The following LRCH1 variants were observed in gnomAD, a reference collection of about 807,000 sequenced individuals.
LRCH1 encodes the protein leucine rich repeats and calponin homology domain containing 1.
Under a neutral mutation model 94.9 loss-of-function variants are expected in LRCH1, and 23 were observed. The ratio of observed to expected loss-of-function variants is 0.24; its 90% CI spans 0.17 to 0.34. The LOEUF is 0.34. Ranked by LOEUF, LRCH1 falls within the 10% of genes least tolerant of loss-of-function variation. The probability of loss-of-function intolerance (pLI) is 1.00; values close to 1 mark genes in which losing one functional copy is unlikely to be tolerated. For missense variants in LRCH1, 790 were observed against 945.9 expected (o/e 0.84, Z 2.16); for synonymous variants, 364 against 354.9 (o/e 1.03, Z -0.29).
chr13:46,623,986 C>T (rs1290320148), intron 1 of LRCH1, among the ~76,000 whole-genome samples: 5 of 151,818 alleles, frequency 3.3e-5, no homozygotes, highest in South Asian at 2.1e-4. Flanking sequence ...TGGGCTCAAT[C>T]GATCCTCCCG....
chr13:46,564,250 C>T (rs1027932279), intron 1 of LRCH1, among the ~76,000 whole-genome samples: 1 of 152,334 alleles, frequency 6.6e-6, no homozygotes, highest in Admixed American at 6.5e-5. Context: ...TGTTTCAGAA[C>T]TTGGCATGCA....
intron 1 of LRCH1, among the ~76,000 whole-genome samples, chr13:46,568,127 AC>A (rs1454365002): frequency 6.6e-6 from 1 of 151,816 alleles, no homozygotes; most frequent in African/African-American, 2.4e-5. Context: ...AGGCTTTTGG[AC>A]ACAAGTCCAT....
At chr13:46,724,501 T>A (rs1872722248) in intron 17 of LRCH1, among the ~76,000 whole-genome samples, 1 of 152,228 alleles carries the variant, frequency 6.6e-6, no homozygotes, top group Non-Finnish European at 1.5e-5. Context: ...GGAAGTCTTG[T>A]GCTGGGTGTC....
chr13:46,572,837 T>C (rs12323100), intron 1 of LRCH1, among the ~76,000 whole-genome samples: 3,961 of 152,182 alleles, frequency 0.026, 170 homozygotes, highest in African/African-American at 0.091. Flanking sequence ...AACTTGCCCA[T>C]GAGCCCATCC....
intron 1 of LRCH1, among the ~76,000 whole-genome samples, chr13:46,575,510 A>ATGTGTGTG (rs59582784): frequency 0.034 from 4,877 of 143,154 alleles, 124 homozygotes; most frequent in African/African-American, 0.065. Flanking sequence ...CTGTGCATGA[A>ATGTGTGTG]TGTGTGTGTG....
At chr13:46,554,145 A>G in intron 1 of LRCH1, among the ~76,000 whole-genome samples, 1 of 152,228 alleles carries the variant, frequency 6.6e-6, no homozygotes, top group South Asian at 2.1e-4. Context: ...CAACCAGTTC[A>G]AGCCGTCTTT....
At chr13:46,675,462 T>C (rs2051659077) in intron 3 of LRCH1, among the ~76,000 whole-genome samples, 1 of 152,242 alleles carries the variant, frequency 6.6e-6, no homozygotes, top group African/African-American at 2.4e-5. Context: ...AAACCTGCTT[T>C]TCTAATCAAA....
At chr13:46,579,628 C>T (rs1348214629) in intron 1 of LRCH1, among the ~76,000 whole-genome samples, 1 of 152,084 alleles carries the variant, frequency 6.6e-6, no homozygotes, top group African/African-American at 2.4e-5. Flanking sequence ...CCTCAATAAC[C>T]ACAACAAGAG....
At chr13:46,684,133 C>G (rs139864367) in intron 4 of LRCH1, among the ~76,000 whole-genome samples, 2 of 152,278 alleles carry the variant, frequency 1.3e-5, no homozygotes, top group East Asian at 3.9e-4. Flanking sequence ...CTTTCTAGGA[C>G]TAGAATGAAG....
Position 46,578,707 on chromosome 13 carries a change from G to A in LRCH1, c.307+25004G>A, listed in dbSNP as rs536879162. The stretch of plus-strand genomic sequence containing the variant: ...ACTGGGGCAGTCCCTGAGAGCTGGT[G>A]CAGAAACAACTGTTGCTAGCTTGGA... On this transcript the variant is annotated intron_variant, in intron 1 of 19. Coordinates refer to ENST00000389797, the MANE Select transcript of LRCH1 (RefSeq NM_001164211.2). 1.1e-4 allele frequency among the ~76,000 whole-genome samples: 16 copies of A among 152,322 alleles called. No homozygotes were observed. In the South Asian group the frequency reaches 3.1e-3, roughly 30 times the overall value.
downstream of LRCH1, among the ~76,000 whole-genome samples, chr13:46,745,905 C>T (rs981493336): frequency 2.0e-5 from 3 of 152,058 alleles, no homozygotes; most frequent in Non-Finnish European, 4.4e-5. Context: ...GTGTTTCCTG[C>T]CAGGACAAGA....
intron 3 of LRCH1, among the ~76,000 whole-genome samples, chr13:46,670,585 C>T (rs1217516493): frequency 6.6e-6 from 1 of 152,018 alleles, no homozygotes; most frequent in African/African-American, 2.4e-5. Flanking sequence ...TCAGATGTGG[C>T]TGTTGGGCTG....
chr13:46,589,520 C>T (rs2050474458), intron 1 of LRCH1, among the ~76,000 whole-genome samples: 1 of 151,066 alleles, frequency 6.6e-6, no homozygotes, highest in African/African-American at 2.4e-5. Context: ...ATACACAGTG[C>T]TCATGCATTG....
At chr13:46,674,287 G>A (rs556738285) in intron 3 of LRCH1, among the ~76,000 whole-genome samples, 1 of 152,202 alleles carries the variant, frequency 6.6e-6, no homozygotes, top group Admixed American at 6.5e-5. Context: ...TTTTTTTAAT[G>A]CATTCCCATT....
At chr13:46,728,201 G>A (rs1872923126) in intron 17 of LRCH1, among the ~76,000 whole-genome samples, 1 of 151,842 alleles carries the variant, frequency 6.6e-6, no homozygotes, top group Non-Finnish European at 1.5e-5. Context: ...ACAGGTGTGA[G>A]CCACCACTCC....
chr13:46,647,495 C>G (rs1290966522), intron 1 of LRCH1, among the ~76,000 whole-genome samples: 1 of 152,014 alleles, frequency 6.6e-6, no homozygotes, highest in East Asian at 1.9e-4. Flanking sequence ...ACTGTAGAAG[C>G]TCTTTCTGTT....
intron 10 of LRCH1, among the ~76,000 whole-genome samples, chr13:46,700,101 G>T (rs1466110132): frequency 6.6e-6 from 1 of 152,296 alleles, no homozygotes; most frequent in African/African-American, 2.4e-5. Flanking sequence ...AGGGGAGGGG[G>T]TGTGTGATCC....
chr13:46,645,782 A>G (rs184639773), intron 1 of LRCH1, among the ~76,000 whole-genome samples: 2 of 152,290 alleles, frequency 1.3e-5, no homozygotes, highest in Non-Finnish European at 2.9e-5. Context: ...CAAAAATACT[A>G]TTTTCTTCTT....
chr13:46,561,252 C>T (rs1001705345), intron 1 of LRCH1, among the ~76,000 whole-genome samples: 2 of 152,172 alleles, frequency 1.3e-5, no homozygotes, highest in Non-Finnish European at 2.9e-5. Flanking sequence ...TTTAAGTAAT[C>T]GGGGACAGGT....
Sources: allele counts gnomAD v4.1 joint callset (sites outside exome capture counted in the v4.1 genomes callset), GRCh38; gene constraint gnomAD v4.1.1; transcripts MANE v1.5; gene names NCBI Gene and HGNC (gene_info 2026-07-23, HGNC 2026-07-21).